The following IQGAP1 variants were observed in gnomAD, a reference collection of about 807,000 sequenced individuals.
IQGAP1 encodes IQ motif containing GTPase activating protein 1, also known as ras GTPase-activating-like protein IQGAP1.
In IQGAP1, 66 loss-of-function variants were observed where a neutral mutation model predicts 215.6. That is an observed-to-expected ratio of 0.31 (90% CI 0.25 to 0.38). IQGAP1 has a LOEUF of 0.38. Among genes scored for constraint, IQGAP1 ranks in the 10% least tolerant of loss-of-function variants. The probability of loss-of-function intolerance (pLI) is 1.00; values close to 1 mark genes in which losing one functional copy is unlikely to be tolerated. For synonymous variants in IQGAP1, 772 were observed against 728.7 expected, an observed-to-expected ratio of 1.06 and a Z score of -0.96; for missense variants, 1,712 against 1,997.1, an observed-to-expected ratio of 0.86 and a Z score of 2.72.
chr15:90,491,382 A>G lies in IQGAP1; in HGVS notation c.4298A>G (p.Lys1433Arg), dbSNP rs1401038439. The G allele has an allele frequency of 1.2e-6, 2 of 1,614,204 alleles. No individual in the cohort carries two copies. Among genetic ancestry groups the G allele is most frequent in the Non-Finnish European group, 1.7e-6 (2 of 1,180,032 alleles). The change falls in exon 34 of 38, where the codon AAA becomes AGA. Residue 1433 changes from lysine to arginine, a missense_variant. This residue lies in a region of IQGAP1 where 691 missense variants were observed against 923.0 expected (regional missense o/e 0.75). Coordinates refer to ENST00000268182, the MANE Select transcript of IQGAP1 (RefSeq NM_003870.4). ...CAGAGACGTGCTATCCGTGATGCCA[A>G]AACACCTGACAAGATGAAAAAGTCA... ...AMQRRAIRDAKTPDKMKKSKS... is the reference protein window; with the variant it reads ...AMQRRAIRDARTPDKMKKSKS...
chr15:90,405,945 G>C (rs2589947), intron 2 of IQGAP1, among the ~76,000 whole-genome samples: 3 of 151,788 alleles, frequency 2.0e-5, no homozygotes, highest in Non-Finnish European at 4.4e-5. Flanking sequence ...TACATTCTCC[G>C]TTGAGTTATC....
chr15:90,462,002 A>AAAAG (rs140159635), intron 15 of IQGAP1, among the ~76,000 whole-genome samples: 135,783 of 143,402 alleles, frequency 0.95, 64,281 homozygotes, highest in East Asian at 1. Flanking sequence ...AAAAAAAAGA[A>AAAAG]AAAAAAAAAA....
intron 2 of IQGAP1, among the ~76,000 whole-genome samples, chr15:90,392,350 T>A (rs1363685747): frequency 1.3e-5 from 2 of 152,242 alleles, no homozygotes; most frequent in Non-Finnish European, 2.9e-5. Flanking sequence ...ATATGAAGTT[T>A]ATAAGAAAAC....
chr15:90,468,541 A>G (rs896294088), intron 18 of IQGAP1, among the ~76,000 whole-genome samples: 1 of 152,196 alleles, frequency 6.6e-6, no homozygotes, highest in Non-Finnish European at 1.5e-5. Context: ...ATAAAAGAAA[A>G]AAATTCAGGC....
At chr15:90,394,679 C>T (rs1964687890) in intron 2 of IQGAP1, among the ~76,000 whole-genome samples, 1 of 152,190 alleles carries the variant, frequency 6.6e-6, no homozygotes, top group South Asian at 2.1e-4. Context: ...ATAACCTCCA[C>T]CCCTCCCAAG....
chr15:90,407,071 G>C (rs1267788659), intron 2 of IQGAP1, among the ~76,000 whole-genome samples: 1 of 152,168 alleles, frequency 6.6e-6, no homozygotes, highest in Admixed American at 6.5e-5. Flanking sequence ...TAGATTTGTG[G>C]TAGGTTATTT....
intron 11 of IQGAP1, among the ~76,000 whole-genome samples, chr15:90,451,255 G>A (rs1488810867): frequency 1.3e-5 from 2 of 152,138 alleles, no homozygotes; most frequent in East Asian, 3.9e-4. Flanking sequence ...GGCTATAAAG[G>A]GATACTTGAA....
chr15:90,499,006 CAG>C (rs892200050), intron 37 of IQGAP1, among the ~76,000 whole-genome samples: 3 of 152,146 alleles, frequency 2.0e-5, no homozygotes, highest in Non-Finnish European at 4.4e-5. Flanking sequence ...TTAGTAGAAA[CAG>C]GGTTTCGCCA....
At chr15:90,473,071 TCAGCTGTCAC>T in intron 19 of IQGAP1, 61 bp downstream of exon 19, 1 of 1,493,190 alleles carries the variant, frequency 6.7e-7, no homozygotes, top group South Asian at 1.2e-5. Context: ...TAATAAACGG[TCAGCTGTCAC>T]CATTGACTGT....
Position 90,454,424 on chromosome 15 carries a change from G to T in IQGAP1, c.1488-4G>T, listed in dbSNP as rs766041229. ...TGCTCTTTTTACTTGGGGGTCTGGGGCAGGTATCTCGATGAGTTGATGAAA... is the reference window on the plus strand; with the variant it reads ...TGCTCTTTTTACTTGGGGGTCTGGGTCAGGTATCTCGATGAGTTGATGAAA... On this transcript the variant is annotated splice_polypyrimidine_tract_variant and splice_region_variant and intron_variant, in intron 13 of 37. Coordinates refer to ENST00000268182, the MANE Select transcript of IQGAP1 (RefSeq NM_003870.4). The T allele has an allele frequency of 2.5e-6, 4 of 1,613,526 alleles. No homozygotes were observed. Among genetic ancestry groups the T allele is most frequent in the Non-Finnish European group, 3.4e-6 (4 of 1,179,732 alleles).
intron 11 of IQGAP1, among the ~76,000 whole-genome samples, chr15:90,450,402 A>G (rs144900002): frequency 1.1e-5 from 1 of 90,368 alleles, no homozygotes; most frequent in African/African-American, 4.5e-5. Context: ...TTGATTTCAT[A>G]TCTTGGCTAT....
chr15:90,408,984 T>C (rs912563266), intron 2 of IQGAP1, among the ~76,000 whole-genome samples: 1 of 152,076 alleles, frequency 6.6e-6, no homozygotes, highest in Non-Finnish European at 1.5e-5. Flanking sequence ...TCTTTCCCTG[T>C]AGCAGTGGGA....
chr15:90,449,496 A>C (rs1162655657), intron 10 of IQGAP1, 63 bp from the exon 11 acceptor site: 6 of 1,329,662 alleles, frequency 4.5e-6, no homozygotes, highest in Non-Finnish European at 6.3e-6. Flanking sequence ...GAGAGATGAG[A>C]ACCTTAAGGC....
rs529191709 is a variant in IQGAP1 at position 90,445,436 on chromosome 15, G to A, written c.913+1958G>A. On this transcript the variant is annotated intron_variant, in intron 9 of 37. Transcript: ENST00000268182. ...AATTTTCACTTCAGTGCCTGTCACAGTTCAATATGGTTGACTTTCAAATCT... is the reference window on the plus strand; with the variant it reads ...AATTTTCACTTCAGTGCCTGTCACAATTCAATATGGTTGACTTTCAAATCT... Among the ~76,000 whole-genome samples, 3 of 152,226 alleles carry A rather than the reference G, an allele frequency of 2.0e-5. No individual in the cohort carries two copies. In the South Asian group the frequency reaches 6.2e-4, roughly 32 times the overall value.
At chr15:90,450,202 A>G (rs761609568) in intron 11 of IQGAP1, among the ~76,000 whole-genome samples, 26 of 151,702 alleles carry the variant, frequency 1.7e-4, no homozygotes, top group Non-Finnish European at 3.7e-4. Context: ...TGTGAGATCC[A>G]CTTTTTTAGC....
At chr15:90,438,881 C>A (rs113745016) in intron 5 of IQGAP1, among the ~76,000 whole-genome samples, 1 of 151,938 alleles carries the variant, frequency 6.6e-6, no homozygotes, top group Non-Finnish European at 1.5e-5. Context: ...CATGCCACCA[C>A]GCCTGGCTAA....
chr15:90,429,527 G>A, intron 3 of IQGAP1, 62 bp from the exon 4 acceptor site: 1 of 1,276,772 alleles, frequency 7.8e-7, no homozygotes. Flanking sequence ...TGCGAAGAGA[G>A]TTTTTATTTA....
At chr15:90,471,421 G>A (rs951166733) in intron 18 of IQGAP1, among the ~76,000 whole-genome samples, 1 of 151,894 alleles carries the variant, frequency 6.6e-6, no homozygotes, top group African/African-American at 2.4e-5. Context: ...TCAGCTGTCT[G>A]TTTCTCTCAA....
At position 90,444,271 on chromosome 15, in the gene IQGAP1, GTGTGTGTGTATATA is replaced by G. The variant is rs1234307755; in HGVS notation, c.913+795_913+808del. 8.6e-3 allele frequency among the ~76,000 whole-genome samples: 1,011 copies of G among 117,476 alleles called. 30 individuals are homozygous for G. The East Asian group carries it at 0.14, about 16-fold the overall frequency. The allele number at this position is 117,476 out of a possible 152,430, so 77.1% of individuals were successfully genotyped here. A position where few individuals can be genotyped will look rare whatever the true frequency, so the allele number is the denominator to read the frequency against. ...TGTGTGTGTGTGTGTGTGTGTGTGT[GTGTGTGTGTATATA>G]TATATTTTTTTTTTTCTTTAAGAGA... is the stretch of plus-strand genomic sequence containing the variant. On this transcript the variant is annotated intron_variant, in intron 9 of 37. Coordinates refer to ENST00000268182, the MANE Select transcript of IQGAP1 (RefSeq NM_003870.4).
Sources: allele counts gnomAD v4.1 joint callset (sites outside exome capture counted in the v4.1 genomes callset), GRCh38; gene constraint gnomAD v4.1.1; regional missense constraint gnomAD v4.1.1; transcripts MANE v1.5; gene names NCBI Gene and HGNC (gene_info 2026-07-23, HGNC 2026-07-21).